The following CELF4 variants were observed in gnomAD, a reference collection of about 807,000 sequenced individuals.
The protein encoded by CELF4 is CUG-BP- and ETR-3-like factor 4.
In CELF4, 18 loss-of-function variants were observed where a neutral mutation model predicts 59.9. The ratio of observed to expected loss-of-function variants is 0.30; its 90% CI spans 0.21 to 0.45. CELF4 has a LOEUF of 0.45. Among genes scored for constraint, CELF4 ranks in the 20% least tolerant of loss-of-function variants. The pLI, the probability that CELF4 is intolerant of heterozygous loss-of-function variation, is 1.00. For synonymous variants in CELF4, 261 were observed against 267.1 expected (o/e 0.98, Z 0.22); for missense variants, 456 against 689.0 (o/e 0.66, Z 3.79).
chr18:37,361,656 C>T (rs923718226), intron 2 of CELF4, among the ~76,000 whole-genome samples: 5 of 152,072 alleles, frequency 3.3e-5, no homozygotes, highest in African/African-American at 1.2e-4. Flanking sequence ...GGGAAGCGGA[C>T]TAGCCCTGCA....
At chr18:37,425,418 A>AG (rs2099605745) in intron 2 of CELF4, among the ~76,000 whole-genome samples, 2 of 152,212 alleles carry the variant, frequency 1.3e-5, no homozygotes, top group Non-Finnish European at 2.9e-5. Context: ...AGGGTGCCTG[A>AG]GGGGTCTCTG....
intron 12 of CELF4, among the ~76,000 whole-genome samples, chr18:37,247,950 G>C (rs1236757284): frequency 6.6e-6 from 1 of 152,200 alleles, no homozygotes; most frequent in Admixed American, 6.5e-5. Context: ...GGGCCAGCAG[G>C]GGATGTCTGT....
chr18:37,356,561 T>C (rs77286325), intron 2 of CELF4, among the ~76,000 whole-genome samples: 19 of 151,888 alleles, frequency 1.3e-4, no homozygotes, highest in African/African-American at 4.6e-4. Flanking sequence ...AGGTCAGAGG[T>C]GCAGAGAGTA....
At chr18:37,499,410 G>A (rs531323521) in intron 1 of CELF4, among the ~76,000 whole-genome samples, 22 of 152,198 alleles carry the variant, frequency 1.4e-4, no homozygotes, top group Admixed American at 8.5e-4. Context: ...AAGTTGGGGC[G>A]TTGCAGACAA....
At chr18:37,511,038 C>T (rs2099943725) in intron 1 of CELF4, among the ~76,000 whole-genome samples, 1 of 152,176 alleles carries the variant, frequency 6.6e-6, no homozygotes, top group South Asian at 2.1e-4. Context: ...CCAGAAGGTG[C>T]CTTCCTGTGT....
intron 1 of CELF4, among the ~76,000 whole-genome samples, chr18:37,561,849 A>G (rs1248132255): frequency 6.6e-6 from 1 of 152,170 alleles, no homozygotes; most frequent in Non-Finnish European, 1.5e-5. Context: ...TCTTTAATCA[A>G]TAGTACAATG....
chr18:37,289,901 C>T (rs1180241310), intron 3 of CELF4, among the ~76,000 whole-genome samples: 1 of 152,200 alleles, frequency 6.6e-6, no homozygotes, highest in African/African-American at 2.4e-5. Context: ...GGGCATTGCC[C>T]TCTTCAGGGA....
chr18:37,274,907 G>A, intron 4 of CELF4, 23 bp from the exon 5 acceptor site: 2 of 1,601,652 alleles, frequency 1.2e-6, no homozygotes, highest in Non-Finnish European at 1.7e-6. Context: ...GAGAGGCCGA[G>A]CTGGGACCCA....
rs149131895 is a variant in CELF4, at chr18:37,286,299, G to A, written c.449-11056C>T. Among the ~76,000 whole-genome samples, 11 of 152,344 alleles carry A rather than the reference G, an allele frequency of 7.2e-5. No homozygotes were observed. The East Asian group carries it at 9.7e-4, about 13-fold the overall frequency. Reference sequence around the variant, plus strand: ...TCTATTAACCATGGAGCGGGGGCTCGTTAGCTGGGCGCAGAGCTGCACAGT... The same window carrying A: ...TCTATTAACCATGGAGCGGGGGCTCATTAGCTGGGCGCAGAGCTGCACAGT... On this transcript the variant is annotated intron_variant, in intron 3 of 12. Transcript: ENST00000420428.
intron 2 of CELF4, among the ~76,000 whole-genome samples, chr18:37,431,142 G>C (rs899895447): frequency 1.3e-5 from 2 of 152,120 alleles, no homozygotes; most frequent in East Asian, 1.9e-4. Context: ...TCTGTCTGGG[G>C]ACAGCTCTGT....
chr18:37,313,592 C>T lies in CELF4; in HGVS notation c.448+8211G>A, dbSNP rs73948892. Among the ~76,000 whole-genome samples, 335 of 152,280 alleles carry T rather than the reference C, an allele frequency of 2.2e-3. 2 individuals are homozygous for T. The highest frequency in any genetic ancestry group is 7.3e-3 in the African/African-American group (304 of 41,568). On this transcript the variant is annotated intron_variant, in intron 3 of 12. Transcript: ENST00000420428. ...GGCTAGGGGTCTCCCCAGCCATGCC[C>T]CAGAGCCTGTCCCACCGCAGCCACT...
At chr18:37,428,386 G>A (rs2099627436) in intron 2 of CELF4, among the ~76,000 whole-genome samples, 3 of 152,078 alleles carry the variant, frequency 2.0e-5, no homozygotes, top group Non-Finnish European at 4.4e-5. Flanking sequence ...GGATGAGGGA[G>A]GAAGGTGAAG....
At chr18:37,453,875 C>A (rs576674251) in intron 2 of CELF4, among the ~76,000 whole-genome samples, 1 of 152,284 alleles carries the variant, frequency 6.6e-6, no homozygotes, top group African/African-American at 2.4e-5. Context: ...GCTTATTTTT[C>A]CAGCAGGACT....
At chr18:37,479,585 T>C (rs1387584576) in intron 2 of CELF4, among the ~76,000 whole-genome samples, 1 of 152,130 alleles carries the variant, frequency 6.6e-6, no homozygotes, top group Admixed American at 6.6e-5. Flanking sequence ...AAGAAAGATA[T>C]ATCATCCATT....
At chr18:37,528,034 AG>A (rs1348494049) in intron 1 of CELF4, among the ~76,000 whole-genome samples, 1 of 152,228 alleles carries the variant, frequency 6.6e-6, no homozygotes, top group Non-Finnish European at 1.5e-5. Context: ...AGAGCTAAAA[AG>A]GTTCCTGACC....
chr18:37,282,151 G>A (rs2094220040), intron 3 of CELF4, among the ~76,000 whole-genome samples: 1 of 152,178 alleles, frequency 6.6e-6, no homozygotes, highest in Non-Finnish European at 1.5e-5. Flanking sequence ...TATTGTGAAT[G>A]TTGTAACCAT....
chr18:37,470,662 G>T (rs2099818645), intron 2 of CELF4, among the ~76,000 whole-genome samples: 1 of 152,094 alleles, frequency 6.6e-6, no homozygotes, highest in South Asian at 2.1e-4. Context: ...GCAGAGTGGG[G>T]CCCTCCTCAT....
chr18:37,462,342 T>C (rs1285454652), intron 2 of CELF4, among the ~76,000 whole-genome samples: 1 of 152,216 alleles, frequency 6.6e-6, no homozygotes, highest in Non-Finnish European at 1.5e-5. Context: ...AAGCTGGGCT[T>C]CCCATTGGTG....
rs560150069 is a variant in CELF4 at position 37,393,644 on chromosome 18, A to G, written c.370-71763T>C. On this transcript the variant is annotated intron_variant, in intron 2 of 12. Coordinates refer to ENST00000420428, the MANE Select transcript of CELF4 (RefSeq NM_020180.4). ...GTGGTGGGGAGAGGAGGTGTGGGCT[A>G]CACTGGGTGGGGCTGGCTTTTGGAG... is the stretch of plus-strand genomic sequence containing the variant. Among the ~76,000 whole-genome samples, 42 of 152,286 alleles carry G rather than the reference A, an allele frequency of 2.8e-4. No homozygotes were observed. In the South Asian group the frequency reaches 7.3e-3, roughly 26 times the overall value.
Sources: allele counts gnomAD v4.1 joint callset (sites outside exome capture counted in the v4.1 genomes callset), GRCh38; gene constraint gnomAD v4.1.1; transcripts MANE v1.5; gene names NCBI Gene and HGNC (gene_info 2026-07-23, HGNC 2026-07-21).